The following CCDC85A variants were observed in gnomAD, a reference collection of about 807,000 sequenced individuals.
CCDC85A encodes the protein coiled-coil domain containing 85A.
A neutral mutation model predicts 50.2 loss-of-function variants in CCDC85A; 38 were observed. The observed-to-expected ratio is 0.76, with a 90% CI of 0.58 to 0.99. The LOEUF is 0.99. Among genes scored for constraint, CCDC85A ranks in the 50% least tolerant of loss-of-function variants. The pLI is 0.00. For missense variants in CCDC85A, 820 were observed against 742.0 expected (o/e 1.11, Z -1.22); for synonymous variants, 366 against 301.4 (o/e 1.21, Z -2.22).
chr2:56,251,935 G>A (rs921512300), intron 2 of CCDC85A, among the ~76,000 whole-genome samples: 1 of 151,252 alleles, frequency 6.6e-6, no homozygotes, highest in Non-Finnish European at 1.5e-5. Flanking sequence ...AAGTTTTAGG[G>A]TACATGTGCA....
At chr2:56,363,909 T>G (rs1675660928) in intron 3 of CCDC85A, among the ~76,000 whole-genome samples, 1 of 152,184 alleles carries the variant, frequency 6.6e-6, no homozygotes, top group Admixed American at 6.5e-5. Context: ...TTTTAAAAAA[T>G]AAGCCCAAAA....
intron 2 of CCDC85A, among the ~76,000 whole-genome samples, chr2:56,204,923 G>A (rs1676901823): frequency 6.6e-6 from 1 of 152,172 alleles, no homozygotes. Context: ...GAGCTAAACA[G>A]GCTATAGTAG....
At position 56,278,002 on chromosome 2, in the gene CCDC85A, G is replaced by A. The variant is rs180927481; in HGVS notation, c.1241-64877G>A. 1.0e-3 allele frequency among the ~76,000 whole-genome samples: 153 copies of A among 152,316 alleles called. 1 individual carries two copies. The Middle Eastern group carries it at 0.027, about 27-fold the overall frequency. On this transcript the variant is annotated intron_variant, in intron 2 of 5. Transcript: ENST00000407595. ...TGGGTGGGATTAGGTGAGCATGTGT[G>A]AACATGGGGGAGATGAGGCTGGGGA...
At position 56,189,295 on chromosome 2, in the gene CCDC85A, G is replaced by GTATTTT. The variant is rs773078371; in HGVS notation, c.277-3181_277-3180insATTTTT. ...GCAAAACATGCACGGGGTATTTTTG[G>GTATTTT]TGTTTTTTTTTTTTTTTGAGACAAG... is the stretch of plus-strand genomic sequence containing the variant. On this transcript the variant is annotated intron_variant, in intron 1 of 5. Transcript: ENST00000407595. Among the ~76,000 whole-genome samples the GTATTTT allele has an allele frequency of 7.8e-4, 78 of 100,452 alleles. 2 individuals carry two copies. The highest frequency in any genetic ancestry group is 2.5e-3 in the African/African-American group (56 of 22,400). The allele number at this position is 100,452 out of a possible 152,430, so 65.9% of individuals were successfully genotyped here.
intron 2 of CCDC85A, among the ~76,000 whole-genome samples, chr2:56,257,299 A>G (rs1382997366): frequency 6.6e-6 from 1 of 152,194 alleles, no homozygotes; most frequent in Non-Finnish European, 1.5e-5. Flanking sequence ...ATGGGGCCCA[A>G]CGTACTGTAG....
chr2:56,240,285 C>T (rs1301188161), intron 2 of CCDC85A, among the ~76,000 whole-genome samples: 3 of 152,112 alleles, frequency 2.0e-5, no homozygotes, highest in Admixed American at 2.0e-4. Context: ...TGTGATCAAT[C>T]AGATTGGCCG....
At chr2:56,250,198 G>A (rs1669692740) in intron 2 of CCDC85A, among the ~76,000 whole-genome samples, 1 of 152,110 alleles carries the variant, frequency 6.6e-6, no homozygotes, top group African/African-American at 2.4e-5. Context: ...AGAGTTTGGT[G>A]CCTGTTTAAT....
intron 2 of CCDC85A, among the ~76,000 whole-genome samples, chr2:56,334,298 G>A (rs1024464790): frequency 6.6e-6 from 1 of 152,268 alleles, no homozygotes; most frequent in Admixed American, 6.5e-5. Context: ...CTGGCACATA[G>A]CAGATAATAA....
At chr2:56,265,204 G>T in intron 2 of CCDC85A, among the ~76,000 whole-genome samples, 1 of 152,186 alleles carries the variant, frequency 6.6e-6, no homozygotes, top group East Asian at 1.9e-4. Flanking sequence ...ACAAGCCAGA[G>T]AAAAGAAGAA....
intron 5 of CCDC85A, among the ~76,000 whole-genome samples, chr2:56,383,071 A>G (rs532248780): frequency 6.6e-6 from 1 of 151,852 alleles, no homozygotes; most frequent in Non-Finnish European, 1.5e-5. Flanking sequence ...CCTAACTTCA[A>G]CTCCTTTTGA....
intron 2 of CCDC85A, among the ~76,000 whole-genome samples, chr2:56,290,636 C>A (rs1465129369): frequency 1.3e-5 from 2 of 151,906 alleles, no homozygotes; most frequent in Non-Finnish European, 2.9e-5. Flanking sequence ...GTAATCAAAA[C>A]CCCTGGTCTA....
chr2:56,334,159 C>T (rs913406182), intron 2 of CCDC85A, among the ~76,000 whole-genome samples: 2 of 152,174 alleles, frequency 1.3e-5, no homozygotes, highest in Non-Finnish European at 2.9e-5. Context: ...CTTTGTTGTA[C>T]AAATCACCTT....
intron 2 of CCDC85A, among the ~76,000 whole-genome samples, chr2:56,313,562 A>G (rs1291604293): frequency 2.6e-5 from 4 of 152,126 alleles, no homozygotes; most frequent in Non-Finnish European, 5.9e-5. Context: ...ACAGCAGACC[A>G]TGGTGCAACA....
At chr2:56,270,221 T>G (rs1460316004) in intron 2 of CCDC85A, among the ~76,000 whole-genome samples, 4 of 152,178 alleles carry the variant, frequency 2.6e-5, no homozygotes, top group Non-Finnish European at 5.9e-5. Flanking sequence ...ATTGGCAAAA[T>G]TTCAGGAATT....
At chr2:56,275,397 G>A (rs953462654) in intron 2 of CCDC85A, among the ~76,000 whole-genome samples, 1 of 152,128 alleles carries the variant, frequency 6.6e-6, no homozygotes, top group Non-Finnish European at 1.5e-5. Context: ...AGTTAGAATT[G>A]TTTCACTATG....
chr2:56,268,095 G>A (rs953359279), intron 2 of CCDC85A, among the ~76,000 whole-genome samples: 2 of 152,160 alleles, frequency 1.3e-5, no homozygotes, highest in Non-Finnish European at 2.9e-5. Context: ...TCAGGTTAAT[G>A]TATTCTATAT....
chr2:56,235,223 C>T, intron 2 of CCDC85A: 1 of 152,112 alleles, frequency 6.6e-6, no homozygotes, highest in East Asian at 1.9e-4. Context: ...GAATTGTTAA[C>T]AAAGGCATAG....
chr2:56,339,239 A>AT (rs780451557), intron 2 of CCDC85A, among the ~76,000 whole-genome samples: 20 of 151,970 alleles, frequency 1.3e-4, no homozygotes, highest in South Asian at 2.1e-4. Flanking sequence ...CTGTAAAGCC[A>AT]TTTTTTTTCA....
chr2:56,366,234 C>T (rs1675787177), intron 3 of CCDC85A, among the ~76,000 whole-genome samples: 1 of 152,130 alleles, frequency 6.6e-6, no homozygotes, highest in South Asian at 2.1e-4. Context: ...GCAGATATCT[C>T]TTTGACATAC....
Sources: gnomAD v4.1 joint callset for allele counts (sites outside exome capture counted in the v4.1 genomes callset) on GRCh38, gnomAD v4.1.1 for gene constraint, MANE v1.5 for transcripts, NCBI Gene and HGNC (gene_info 2026-07-23, HGNC 2026-07-21) for gene names.